The following MARCHF11 variants were observed in gnomAD, a reference collection of about 807,000 sequenced individuals.
MARCHF11 encodes membrane associated ring-CH-type finger 11, also known as E3 ubiquitin-protein ligase MARCHF11.
A neutral mutation model predicts 37.3 loss-of-function variants in MARCHF11; 29 were observed. That is an observed-to-expected ratio of 0.78 (90% CI 0.58 to 1.06). The LOEUF (loss-of-function observed/expected upper bound fraction) is 1.06. Ranked by LOEUF, MARCHF11 falls within the 50% of genes least tolerant of loss-of-function variation. The pLI is 0.00. For synonymous variants in MARCHF11, 233 were observed against 228.0 expected, an observed-to-expected ratio of 1.02 and a Z score of -0.20; for missense variants, 482 against 533.4, an observed-to-expected ratio of 0.90 and a Z score of 0.95.
At chr5:16,163,432 G>C (rs1183975841) in intron 2 of MARCHF11, among the ~76,000 whole-genome samples, 1 of 151,956 alleles carries the variant, frequency 6.6e-6, no homozygotes, top group African/African-American at 2.4e-5. Flanking sequence ...ATCTTAGACT[G>C]TGCTAAATTG....
chr5:16,135,119 G>T (rs567116029), intron 2 of MARCHF11, among the ~76,000 whole-genome samples: 2 of 152,114 alleles, frequency 1.3e-5, no homozygotes, highest in East Asian at 3.9e-4. Flanking sequence ...ACTGCATAAT[G>T]GCAGAACATA....
At chr5:16,071,509 C>A (rs1419661026) in intron 3 of MARCHF11, among the ~76,000 whole-genome samples, 1 of 152,056 alleles carries the variant, frequency 6.6e-6, no homozygotes, top group East Asian at 1.9e-4. Context: ...TTAATTTAAG[C>A]AAAATAAAAT....
intron 2 of MARCHF11, among the ~76,000 whole-genome samples, chr5:16,106,244 T>C (rs2126566902): frequency 6.6e-6 from 1 of 152,192 alleles, no homozygotes; most frequent in East Asian, 1.9e-4. Context: ...GGTGTCTCTG[T>C]GGCACCCCAT....
At position 16,127,421 on chromosome 5, in the gene MARCHF11, GA is replaced by G. The variant is rs1167064622; in HGVS notation, c.694-36341del. ...GGGGGATATCTACAAGAGGGAGGAA[GA>G]CCTTGACTCATACGGAGCTTGAATG... On this transcript the variant is annotated intron_variant, in intron 2 of 3. Coordinates refer to ENST00000332432, the MANE Select transcript of MARCHF11 (RefSeq NM_001102562.3). Among the ~76,000 whole-genome samples the G allele has an allele frequency of 2.0e-5, 3 of 152,266 alleles. No individual in the cohort carries two copies. The East Asian group carries it at 5.8e-4, about 29-fold the overall frequency.
intron 2 of MARCHF11, among the ~76,000 whole-genome samples, chr5:16,139,887 C>G (rs1453422455): frequency 6.6e-6 from 1 of 152,060 alleles, no homozygotes; most frequent in Non-Finnish European, 1.5e-5. Flanking sequence ...TGCAACTTCT[C>G]TACAAATTTT....
chr5:16,151,283 T>C (rs540648994), intron 2 of MARCHF11, among the ~76,000 whole-genome samples: 18 of 152,112 alleles, frequency 1.2e-4, no homozygotes, highest in African/African-American at 4.1e-4. Context: ...GGATGAGCAT[T>C]TAGGTCTTTT....
At chr5:16,088,856 T>C (rs1736743337) in intron 3 of MARCHF11, among the ~76,000 whole-genome samples, 1 of 152,184 alleles carries the variant, frequency 6.6e-6, no homozygotes, top group Non-Finnish European at 1.5e-5. Context: ...AAAATACTCA[T>C]TCTCCCAAGT....
intron 2 of MARCHF11, among the ~76,000 whole-genome samples, chr5:16,144,299 A>C (rs925916791): frequency 1.3e-5 from 2 of 152,214 alleles, no homozygotes; most frequent in Non-Finnish European, 2.9e-5. Context: ...TCTAAATATT[A>C]AGATAACTGT....
intron 3 of MARCHF11, among the ~76,000 whole-genome samples, chr5:16,081,866 C>T (rs1485682327): frequency 1.3e-5 from 2 of 152,210 alleles, no homozygotes; most frequent in Admixed American, 6.5e-5. Context: ...GTTAACTAGC[C>T]TTGAGAGGCC....
chr5:16,112,076 AGGAGTGT>A (rs2126570894), intron 2 of MARCHF11, among the ~76,000 whole-genome samples: 1 of 152,352 alleles, frequency 6.6e-6, no homozygotes, highest in Admixed American at 6.5e-5. Context: ...AATTTGCTGC[AGGAGTGT>A]GGCCCTCATG....
intron 2 of MARCHF11, among the ~76,000 whole-genome samples, chr5:16,124,578 T>G (rs939911162): frequency 6.6e-6 from 1 of 152,110 alleles, no homozygotes; most frequent in Non-Finnish European, 1.5e-5. Context: ...CAGCCACCAA[T>G]GAAGTTTCTA....
At chr5:16,161,392 G>A (rs962465062) in intron 2 of MARCHF11, among the ~76,000 whole-genome samples, 4 of 151,686 alleles carry the variant, frequency 2.6e-5, no homozygotes, top group African/African-American at 9.7e-5. Context: ...CCTGAATAAA[G>A]GATTCTTAAT....
At chr5:16,085,198 T>A (rs1209731472) in intron 3 of MARCHF11, among the ~76,000 whole-genome samples, 1 of 151,864 alleles carries the variant, frequency 6.6e-6, no homozygotes, top group East Asian at 1.9e-4. Context: ...GTTAAAATTA[T>A]AATAGATTTT....
At chr5:16,120,737 T>C (rs1213942187) in intron 2 of MARCHF11, among the ~76,000 whole-genome samples, 1 of 152,142 alleles carries the variant, frequency 6.6e-6, no homozygotes, top group Non-Finnish European at 1.5e-5. Context: ...TTGACCAGTA[T>C]AATGTGGCAG....
chr5:16,120,448 G>A (rs548426823), intron 2 of MARCHF11, among the ~76,000 whole-genome samples: 47 of 152,186 alleles, frequency 3.1e-4, no homozygotes, highest in Non-Finnish European at 6.6e-4. Flanking sequence ...TCTCCACAGA[G>A]CAGCCAGACA....
chr5:16,125,076 C>T (rs1000956067), intron 2 of MARCHF11, among the ~76,000 whole-genome samples: 4 of 151,474 alleles, frequency 2.6e-5, no homozygotes, highest in East Asian at 1.9e-4. Context: ...GAGGTTTCTT[C>T]GCAAGAATAT....
chr5:16,068,903 T>C (rs368293375), intron 3 of MARCHF11, among the ~76,000 whole-genome samples: 2 of 152,360 alleles, frequency 1.3e-5, no homozygotes, highest in East Asian at 3.9e-4. Flanking sequence ...GAGCAGAGCA[T>C]GTCGGCTGGC....
intron 2 of MARCHF11, among the ~76,000 whole-genome samples, chr5:16,166,472 T>C (rs376299370): frequency 8.8e-6 from 1 of 113,070 alleles, no homozygotes; most frequent in Non-Finnish European, 1.9e-5. Flanking sequence ...TTAGAGTACA[T>C]TGATATAAAC....
chr5:16,163,518 C>G (rs1222816384), intron 2 of MARCHF11, among the ~76,000 whole-genome samples: 1 of 152,044 alleles, frequency 6.6e-6, no homozygotes, highest in Admixed American at 6.6e-5. Flanking sequence ...AATAATATCA[C>G]ACAGGTCCAA....
Sources: allele counts gnomAD v4.1 joint callset (sites outside exome capture counted in the v4.1 genomes callset), GRCh38; gene constraint gnomAD v4.1.1; transcripts MANE v1.5; gene names NCBI Gene and HGNC (gene_info 2026-07-23, HGNC 2026-07-21).